The following USP54 variants were observed in gnomAD, a reference collection of about 807,000 sequenced individuals.
USP54 encodes ubiquitin carboxyl-terminal hydrolase 54.
In USP54, 87 loss-of-function variants were observed where a neutral mutation model predicts 170.5. The ratio of observed to expected loss-of-function variants is 0.51; its 90% CI spans 0.43 to 0.61. USP54 has a LOEUF of 0.61. Ranked by LOEUF, USP54 falls within the 20% of genes least tolerant of loss-of-function variation. USP54 has a pLI of 0.00. For missense variants in USP54, 1,786 were observed against 2,047.8 expected (o/e 0.87, Z 2.47); for synonymous variants, 655 against 742.8 (o/e 0.88, Z 1.92).
chr10:73,536,410 T>C lies in USP54; in HGVS notation c.1003A>G (p.Thr335Ala). Residue 335 changes from threonine (T) to alanine (A), a missense_variant, in exon 11 of 24, where the codon ACC becomes GCC. This residue lies in a region of USP54 where 361 missense variants were observed against 455.0 expected (regional missense o/e 0.79). Transcript: ENST00000687698. ...TGATAATGCCCCTTGATGCATTTGGTCACCACATCCTTCCATTTGGGCCCA... is the reference window on the plus strand; with the variant it reads ...TGATAATGCCCCTTGATGCATTTGGCCACCACATCCTTCCATTTGGGCCCA... ...EIGPKWKDVV[T>A]KCIKGHYQPL... 6.4e-7 allele frequency: 1 copy of C among 1,572,752 alleles called. No individual in the cohort carries two copies. Among genetic ancestry groups the C allele is most frequent in the Non-Finnish European group, 8.6e-7 (1 of 1,160,010 alleles).
At chr10:73,624,575 AAG>A (rs953089079) in intron 1 of USP54, 3 of 152,122 alleles carry the variant, frequency 2.0e-5, no homozygotes, top group African/African-American at 4.8e-5. Context: ...ATATAATCAC[AAG>A]AGAGTTATCC....
In USP54 at chr10:73,500,812, C is replaced by T. The variant is rs748102722; in HGVS notation, c.4338G>A (p.Leu1446=). 2 of 1,599,930 alleles carry T rather than the reference C, an allele frequency of 1.3e-6. No homozygotes were observed. The highest frequency in any genetic ancestry group is 1.7e-6 in the Non-Finnish European group (2 of 1,175,106). Residue 1446 remains leucine (L), a synonymous_variant, in exon 23 of 24, where the codon TTG becomes TTA. Transcript: ENST00000687698. ...SFDSSNVRKP[L]ETGHRCSSSS... ...AGCTGGAACAACGGTGCCCGGTTTC[C>T]AAAGGCTTCCTCACGTTTGATGAAT...
intron 4 of USP54, among the ~76,000 whole-genome samples, chr10:73,554,269 G>T (rs1371814786): frequency 6.6e-6 from 1 of 152,180 alleles, no homozygotes; most frequent in African/African-American, 2.4e-5. Flanking sequence ...AATACCTTCT[G>T]CAAAGGTGTG....
intron 1 of USP54, among the ~76,000 whole-genome samples, chr10:73,584,008 G>C (rs950101787): frequency 1.3e-5 from 2 of 152,022 alleles, no homozygotes; most frequent in African/African-American, 4.8e-5. Context: ...GAAGAAGATG[G>C]AACTTTGGGC....
At chr10:73,607,544 A>T (rs74861209) in intron 1 of USP54, among the ~76,000 whole-genome samples, 2,905 of 152,180 alleles carry the variant, frequency 0.019, 101 homozygotes, top group African/African-American at 0.065. Context: ...AAAAACTAAG[A>T]AGTAGGCCGG....
intron 4 of USP54, among the ~76,000 whole-genome samples, chr10:73,553,751 T>A (rs1208782444): frequency 6.6e-6 from 1 of 152,190 alleles, no homozygotes; most frequent in African/African-American, 2.4e-5. Flanking sequence ...AAAATCCACC[T>A]TGGAGTTTCT....
intron 1 of USP54, among the ~76,000 whole-genome samples, chr10:73,608,912 A>T (rs1449960041): frequency 6.6e-6 from 1 of 152,188 alleles, no homozygotes. Flanking sequence ...CTCAAAAAAT[A>T]AGTAAAATTT....
chr10:73,584,606 C>T (rs1301578217), intron 1 of USP54, among the ~76,000 whole-genome samples: 6 of 151,974 alleles, frequency 3.9e-5, no homozygotes, highest in African/African-American at 1.4e-4. Context: ...AAAATGATAG[C>T]GGTCTTGTTA....
At chr10:73,526,848 ATC>A (rs1188996607) in intron 15 of USP54, 68 bp from the exon 16 acceptor site, 12 of 1,527,594 alleles carry the variant, frequency 7.9e-6, no homozygotes, top group African/African-American at 1.4e-5. Flanking sequence ...CTAGGACTAA[ATC>A]TCTCTCTCAA....
At chr10:73,518,215 A>T (rs1158841206) in intron 19 of USP54, 1 of 985,330 alleles carries the variant, frequency 1.0e-6, no homozygotes, top group Non-Finnish European at 1.2e-6. Context: ...CAGCCCGGCC[A>T]AAGGAACTAT....
At chr10:73,573,680 G>A (rs370228154) in intron 3 of USP54, among the ~76,000 whole-genome samples, 2 of 152,152 alleles carry the variant, frequency 1.3e-5, no homozygotes, top group Admixed American at 6.5e-5. Context: ...CAGGAGAATC[G>A]CTTGAACCCA....
chr10:73,515,275 T>C (rs962614703), intron 20 of USP54, among the ~76,000 whole-genome samples: 1 of 150,824 alleles, frequency 6.6e-6, no homozygotes, highest in African/African-American at 2.5e-5. Context: ...TTAGAACATA[T>C]CTTTTTTTAA....
upstream of USP54, chr10:73,591,596 T>G (rs539545515): frequency 6.6e-6 from 1 of 152,278 alleles, no homozygotes; most frequent in African/African-American, 2.4e-5. Context: ...TAACCAAAAG[T>G]AACTTGAAAG....
chr10:73,624,300 C>A (rs1430048461), intron 1 of USP54: 1 of 145,970 alleles, frequency 6.9e-6, no homozygotes, highest in African/African-American at 2.5e-5. Context: ...GGGGTTCAAG[C>A]GATTCTCCTG....
At chr10:73,523,554 A>T in intron 17 of USP54, 29 bp downstream of exon 17, 4 of 1,548,526 alleles carry the variant, frequency 2.6e-6, no homozygotes, top group Non-Finnish European at 3.5e-6. Context: ...TGTCCCCATC[A>T]CCCACAACCT....
Position 73,529,761 on chromosome 10 carries a change from G to A in USP54, c.1979C>T (p.Ser660Phe), listed in dbSNP as rs1482535726. 1 of 1,614,066 alleles carries A rather than the reference G, an allele frequency of 6.2e-7. No individual in the cohort carries two copies. The highest frequency in any genetic ancestry group is 8.5e-7 in the Non-Finnish European group (1 of 1,179,918). Residue 660 changes from serine (S) to phenylalanine (F), a missense_variant, in exon 15 of 24, where the codon TCT (serine) becomes TTT (phenylalanine). Ser to Phe is a radical substitution (Grantham distance 155). Transcript: ENST00000687698. ...GTTCCTCTCACTGCTTTCATAGCCAGATTCCATTCGCTGGATTAGTCGGGG... is the reference window on the plus strand; with the variant it reads ...GTTCCTCTCACTGCTTTCATAGCCAAATTCCATTCGCTGGATTAGTCGGGG... ...QHPRLIQRME[S>F]GYESSERNSS...
intron 1 of USP54, among the ~76,000 whole-genome samples, chr10:73,600,541 TA>T (rs2079084328): frequency 6.6e-6 from 1 of 152,172 alleles, no homozygotes; most frequent in African/African-American, 2.4e-5. Flanking sequence ...TATCTCAAGA[TA>T]AAAAGTTCCA....
At chr10:73,530,921 T>A in intron 12 of USP54, 86 bp from the exon 13 acceptor site, 2 of 1,562,656 alleles carry the variant, frequency 1.3e-6, no homozygotes, top group Admixed American at 3.6e-5. Flanking sequence ...CCTTTGGGAG[T>A]GCCACAAATT....
At chr10:73,618,808 A>T (rs892551002) in intron 1 of USP54, among the ~76,000 whole-genome samples, 1 of 148,668 alleles carries the variant, frequency 6.7e-6, no homozygotes, top group Non-Finnish European at 1.5e-5. Flanking sequence ...GCTACTCAGG[A>T]GGCTGAGGCA....
Sources: allele counts gnomAD v4.1 joint callset (sites outside exome capture counted in the v4.1 genomes callset), GRCh38; gene constraint gnomAD v4.1.1; regional missense constraint gnomAD v4.1.1; transcripts MANE v1.5; gene names NCBI Gene and HGNC (gene_info 2026-07-23, HGNC 2026-07-21).